The following CYRIA variants were observed in gnomAD, a reference collection of about 807,000 sequenced individuals.
The protein encoded by CYRIA is CYFIP-related Rac1 interactor A.
Under a neutral mutation model 43.9 loss-of-function variants are expected in CYRIA, and 15 were observed. The observed-to-expected ratio is 0.34, with a 90% confidence interval of 0.23 to 0.53. The LOEUF (loss-of-function observed/expected upper bound fraction) is 0.53. Ranked by LOEUF, CYRIA falls within the 20% of genes least tolerant of loss-of-function variation. The pLI, the probability that CYRIA is intolerant of heterozygous loss-of-function variation, is 0.94. For synonymous variants in CYRIA, 117 were observed against 136.0 expected (o/e 0.86, Z 0.97); for missense variants, 236 against 394.2 (o/e 0.60, Z 3.40).
intron 1 of CYRIA, chr2:16,625,673 A>G (rs1476291798): frequency 6.6e-6 from 1 of 152,080 alleles, no homozygotes; most frequent in African/African-American, 2.4e-5. Flanking sequence ...AGGTGTAGAC[A>G]TGGAAGGTGG....
chr2:16,559,687 GGA>G (rs1421286231), intron 9 of CYRIA, 101 bp from the exon 10 acceptor site: 2 of 1,372,850 alleles, frequency 1.5e-6, no homozygotes, highest in African/African-American at 2.9e-5. Flanking sequence ...TCCTCTCTTG[GGA>G]ACAATCCCAG....
chr2:16,642,168 T>C (rs908398788), intron 1 of CYRIA, among the ~76,000 whole-genome samples: 1 of 152,190 alleles, frequency 6.6e-6, no homozygotes, highest in Non-Finnish European at 1.5e-5. Flanking sequence ...ACCATATTTA[T>C]ATTTCCAGCT....
intron 1 of CYRIA, among the ~76,000 whole-genome samples, chr2:16,642,912 G>T (rs1669717366): frequency 2.0e-5 from 3 of 151,892 alleles, no homozygotes; most frequent in African/African-American, 7.2e-5. Context: ...CCTTGGTTCG[G>T]CTCCATTTTT....
chr2:16,630,063 A>G (rs55784685), intron 1 of CYRIA, among the ~76,000 whole-genome samples: 17,642 of 152,118 alleles, frequency 0.12, 1,452 homozygotes, highest in African/African-American at 0.23. Flanking sequence ...GGGGCAGAAG[A>G]TACCAACCCT....
chr2:16,627,099 G>A (rs1381764382), intron 1 of CYRIA, among the ~76,000 whole-genome samples: 2 of 152,182 alleles, frequency 1.3e-5, no homozygotes, highest in Non-Finnish European at 2.9e-5. Flanking sequence ...CCCATGTCCT[G>A]TCCCACCCCA....
intron 3 of CYRIA, among the ~76,000 whole-genome samples, chr2:16,568,505 G>T (rs1029157802): frequency 1.3e-5 from 2 of 152,184 alleles, no homozygotes; most frequent in African/African-American, 4.8e-5. Context: ...TGGAGAAAGT[G>T]TTCTGGTAGA....
intron 2 of CYRIA, among the ~76,000 whole-genome samples, chr2:16,607,941 G>A (rs547727974): frequency 1.3e-5 from 2 of 152,158 alleles, no homozygotes; most frequent in South Asian, 2.1e-4. Flanking sequence ...TGCCTTGAAC[G>A]CCTAAAGACG....
intron 2 of CYRIA, among the ~76,000 whole-genome samples, chr2:16,591,410 C>T (rs1440489548): frequency 6.6e-6 from 1 of 152,072 alleles, no homozygotes; most frequent in Non-Finnish European, 1.5e-5. Context: ...ACAGGTTATA[C>T]TAGAGAAGTA....
intron 1 of CYRIA, among the ~76,000 whole-genome samples, chr2:16,638,759 T>C (rs1318172090): frequency 6.6e-6 from 1 of 152,192 alleles, no homozygotes; most frequent in Non-Finnish European, 1.5e-5. Context: ...GTCAGGTTTG[T>C]ATTTTATATC....
chr2:16,637,572 C>T (rs76013386), intron 1 of CYRIA, among the ~76,000 whole-genome samples: 1,701 of 152,322 alleles, frequency 0.011, 30 homozygotes, highest in African/African-American at 0.039. Context: ...TATTTAAGTA[C>T]TCCAGTCTAT....
At chr2:16,562,758 G>A (rs946098453) in intron 5 of CYRIA, among the ~76,000 whole-genome samples, 1 of 152,080 alleles carries the variant, frequency 6.6e-6, no homozygotes, top group Non-Finnish European at 1.5e-5. Flanking sequence ...CTAAAGCAGG[G>A]ATTGGCAAGG....
At chr2:16,621,632 C>T (rs7572250) in intron 2 of CYRIA, among the ~76,000 whole-genome samples, 107,843 of 152,024 alleles carry the variant, frequency 0.71, 39,090 homozygotes, top group East Asian at 0.99. Flanking sequence ...TCACTCGAGA[C>T]TGGGTAAAGC....
At chr2:16,606,948 T>C (rs1394691983) in intron 2 of CYRIA, among the ~76,000 whole-genome samples, 1 of 151,928 alleles carries the variant, frequency 6.6e-6, no homozygotes, top group Admixed American at 6.6e-5. Flanking sequence ...TAAAAAATTA[T>C]GTTGGTACCG....
At position 16,549,487 on chromosome 2, in the gene CYRIA, T is replaced by G. The variant is rs1572444638; in HGVS notation, c.*3449A>C. The G allele has an allele frequency of 6.6e-6, 1 of 152,056 alleles. No homozygotes were observed. Among genetic ancestry groups the G allele is most frequent in the East Asian group, 1.9e-4 (1 of 5,162 alleles). 9.4% of individuals were successfully genotyped at this position (152,056 alleles called of 1,614,324 possible). On this transcript the variant is annotated 3_prime_UTR_variant, in exon 12 of 12. Transcript: ENST00000381323. The stretch of plus-strand genomic sequence containing the variant: ...TTAAATATATGTACCAAACTTTAAT[T>G]TTCATTTCACACTCAAAACTCCTGT...
At chr2:16,610,720 C>T (rs1180484177) in intron 2 of CYRIA, among the ~76,000 whole-genome samples, 2 of 151,826 alleles carry the variant, frequency 1.3e-5, no homozygotes, top group Non-Finnish European at 2.9e-5. Context: ...CTAGAAATTA[C>T]AAGCATAACC....
At chr2:16,592,858 G>C (rs1235912248) in intron 2 of CYRIA, among the ~76,000 whole-genome samples, 1 of 152,064 alleles carries the variant, frequency 6.6e-6, no homozygotes, top group Non-Finnish European at 1.5e-5. Context: ...TGTATTTTCT[G>C]AACACCAAAT....
At chr2:16,557,190 G>A (rs963786995) in intron 10 of CYRIA, among the ~76,000 whole-genome samples, 1 of 152,160 alleles carries the variant, frequency 6.6e-6, no homozygotes, top group Non-Finnish European at 1.5e-5. Flanking sequence ...GTGCCGCCTT[G>A]GTAGCCACTT....
At chr2:16,654,675 C>T (rs553167301) in intron 1 of CYRIA, among the ~76,000 whole-genome samples, 1 of 152,100 alleles carries the variant, frequency 6.6e-6, no homozygotes, top group African/African-American at 2.4e-5. Flanking sequence ...TTGTCTTTAT[C>T]TTTAAAAAAG....
At chr2:16,588,203 C>G in intron 2 of CYRIA, 74 bp from the exon 3 acceptor site, 1 of 920,402 alleles carries the variant, frequency 1.1e-6, no homozygotes, top group South Asian at 1.7e-5. Context: ...ATCCCTGGGC[C>G]CCCCATAGCT....
Sources: allele counts gnomAD v4.1 joint callset (sites outside exome capture counted in the v4.1 genomes callset), GRCh38; gene constraint gnomAD v4.1.1; transcripts MANE v1.5; gene names NCBI Gene and HGNC (gene_info 2026-07-23, HGNC 2026-07-21).